KLF8: variants seen among roughly 807,000 people sequenced by gnomAD.
KLF8 encodes the protein KLF transcription factor 8.
A neutral mutation model predicts 18.2 loss-of-function variants in KLF8; 10 were observed. The ratio of observed to expected loss-of-function variants is 0.55; its 90% CI spans 0.34 to 0.93. The LOEUF (loss-of-function observed/expected upper bound fraction) is 0.93, where lower values mean the gene tolerates loss of function less well. KLF8 is among the 40% of genes least tolerant of loss of function. The pLI is 0.02. For synonymous variants in KLF8, 109 were observed against 97.3 expected (o/e 1.12, Z -0.71); for missense variants, 264 against 277.9 (o/e 0.95, Z 0.36).
At chrX:56,027,921 A>G in the KLF8 span, among the ~76,000 whole-genome samples, 10 of 112,569 alleles carry the variant, frequency 8.9e-5, no homozygotes, top group African/African-American at 3.2e-4. Flanking sequence ...TTTGGTATTC[A>G]TTAAAGTTAC....
chrX:56,153,895 G>A, the KLF8 span, among the ~76,000 whole-genome samples: 1 of 111,264 alleles, frequency 9.0e-6, no homozygotes, highest in Admixed American at 9.6e-5. Flanking sequence ...ACCTCTTCAA[G>A]GTGAACTACA....
chrX:56,211,386 C>T, the KLF8 span, among the ~76,000 whole-genome samples: 1 of 112,646 alleles, frequency 8.9e-6, no homozygotes, highest in South Asian at 3.7e-4. Context: ...CATACAGAGT[C>T]TCTCTGTCTC....
chrX:55,946,192 A>G, the KLF8 span, among the ~76,000 whole-genome samples: 1 of 111,742 alleles, frequency 8.9e-6, no homozygotes, highest in Non-Finnish European at 1.9e-5. Context: ...ATCCTAAGCC[A>G]AAAGAAGAAA....
chrX:56,022,522 C>CT, the KLF8 span, among the ~76,000 whole-genome samples: 1 of 86,430 alleles, frequency 1.2e-5, no homozygotes, highest in African/African-American at 5.3e-5. Context: ...ACACTCCAGC[C>CT]TGGGTGACAG....
At chrX:56,182,016 A>T in the KLF8 span, among the ~76,000 whole-genome samples, 7 of 111,598 alleles carry the variant, frequency 6.3e-5, no homozygotes, top group Middle Eastern at 4.6e-3. Flanking sequence ...CTGCCTTGCT[A>T]GGTTGAGGAA....
chrX:56,052,891 T>C, the KLF8 span, among the ~76,000 whole-genome samples: 7 of 111,276 alleles, frequency 6.3e-5, no homozygotes, highest in Non-Finnish European at 1.1e-4. Flanking sequence ...CAGTTTGATG[T>C]CAGACTGCTG....
At chrX:56,097,425 G>T in the KLF8 span, among the ~76,000 whole-genome samples, 2 of 106,058 alleles carry the variant, frequency 1.9e-5, no homozygotes, top group Non-Finnish European at 3.9e-5. Flanking sequence ...TACTTCTGGG[G>T]CTCAAGCTAT....
chrX:56,164,382 A>G, the KLF8 span, among the ~76,000 whole-genome samples: 1 of 90,992 alleles, frequency 1.1e-5, no homozygotes, highest in Non-Finnish European at 2.2e-5. Context: ...TGCAAAATCT[A>G]GTAAAATCAC....
the KLF8 span, among the ~76,000 whole-genome samples, chrX:56,004,833 A>G: frequency 9.0e-6 from 1 of 110,914 alleles, no homozygotes; most frequent in South Asian, 3.9e-4. Flanking sequence ...TCATGAGGTT[A>G]GGTATTGAAG....
the KLF8 span, among the ~76,000 whole-genome samples, chrX:56,009,840 C>T: frequency 2.7e-5 from 3 of 111,984 alleles, no homozygotes; most frequent in Non-Finnish European, 5.6e-5. Flanking sequence ...CCAACTAGTC[C>T]AACCAGAGGA....
At chrX:56,083,019 G>T in the KLF8 span, among the ~76,000 whole-genome samples, 1 of 111,700 alleles carries the variant, frequency 9.0e-6, no homozygotes, top group Non-Finnish European at 1.9e-5. Context: ...TTCTCCATCA[G>T]TTTAACTTAT....
the KLF8 span, among the ~76,000 whole-genome samples, chrX:56,162,474 A>T: frequency 1.8e-5 from 2 of 110,672 alleles, no homozygotes; most frequent in South Asian, 3.8e-4. Context: ...AATGCCGGGA[A>T]CCCCTCCCCC....
the KLF8 span, among the ~76,000 whole-genome samples, chrX:56,078,651 C>T: frequency 8.9e-6 from 1 of 111,873 alleles, no homozygotes; most frequent in East Asian, 2.8e-4. Context: ...ATGATGCTAG[C>T]CTCATAAAAT....
At chrX:56,271,491 G>C (rs759956216) in intron 5 of KLF8, among the ~76,000 whole-genome samples, 1 of 110,923 alleles carries the variant, frequency 9.0e-6, no homozygotes, top group South Asian at 3.8e-4. Context: ...TTGGGACTTA[G>C]ACACCTTGGA....
intron 2 of KLF8, among the ~76,000 whole-genome samples, chrX:56,261,276 C>G (rs2066879853): frequency 9.0e-6 from 1 of 111,372 alleles, no homozygotes; most frequent in African/African-American, 3.3e-5. Context: ...GTCTTCAAAC[C>G]ACCCCTAAGT....
rs377540198 is a variant in KLF8, at chrX:56,269,344, T to C, written c.647-34T>C. The C allele has an allele frequency of 2.5e-6, 3 of 1,176,651 alleles. No individual in the cohort carries two copies. In the African/African-American group the frequency reaches 5.3e-5, roughly 21 times the overall value. On this transcript the variant is annotated intron_variant, in intron 3 of 5. Transcript: ENST00000468660. ...AAATGATTAAAGAGGCACATACATC[T>C]TCAGCTCACACTGCTCCCTTTCTTT...
the KLF8 span, among the ~76,000 whole-genome samples, chrX:55,987,339 A>C: frequency 9.1e-6 from 1 of 110,215 alleles, no homozygotes; most frequent in Non-Finnish European, 1.9e-5. Flanking sequence ...TCCTAATGCT[A>C]TACCTCCCCC....
the KLF8 span, among the ~76,000 whole-genome samples, chrX:56,209,203 T>C: frequency 8.9e-6 from 1 of 112,346 alleles, no homozygotes; most frequent in Non-Finnish European, 1.9e-5. Context: ...TATCATTATA[T>C]ACTTACATTC....
chrX:56,159,072 A>G, the KLF8 span, among the ~76,000 whole-genome samples: 1 of 111,958 alleles, frequency 8.9e-6, no homozygotes, highest in Non-Finnish European at 1.9e-5. Flanking sequence ...TCAATACCTA[A>G]TTTATTGAGA....
Sources: allele counts gnomAD v4.1 joint callset (sites outside exome capture counted in the v4.1 genomes callset), GRCh38; gene constraint gnomAD v4.1.1; transcripts MANE v1.5; gene names NCBI Gene and HGNC (gene_info 2026-07-23, HGNC 2026-07-21).